Variants in MFAP3L observed in about 807,000 individuals in gnomAD.
MFAP3L encodes microfibrillar-associated protein 3-like.
In MFAP3L, 5 loss-of-function variants were observed where a neutral mutation model predicts 20.0. The observed-to-expected ratio is 0.25, with a 90% CI of 0.13 to 0.53. The LOEUF (loss-of-function observed/expected upper bound fraction) is 0.53, where lower values mean the gene tolerates loss of function less well. MFAP3L is among the 20% of genes least tolerant of loss of function. MFAP3L has a pLI of 0.96. For missense variants in MFAP3L, 409 were observed against 527.5 expected (o/e 0.78, Z 2.20); for synonymous variants, 219 against 213.0 (o/e 1.03, Z -0.25).
rs549646387 is a variant in MFAP3L at position 169,990,638 on chromosome 4, T to G, written c.*740A>C. 6.6e-6 allele frequency: 1 copy of G among 152,610 alleles called. No homozygotes were observed. Among genetic ancestry groups the G allele is most frequent in the African/African-American group, 2.4e-5 (1 of 41,438 alleles). The allele number at this position is 152,610 out of a possible 1,614,324, so 9.5% of individuals were successfully genotyped here. On this transcript the variant is annotated 3_prime_UTR_variant, in exon 3 of 3. Transcript: ENST00000361618. The stretch of plus-strand genomic sequence containing the variant: ...ACATTTTTGACTATTAAAGTGCTAT[T>G]CCGGGGCAAAGTTTTTCTCAGTTTC...
chr4:170,002,656 T>C lies in MFAP3L; in HGVS notation c.298+2924A>G, dbSNP rs187628755. 7.3e-3 allele frequency among the ~76,000 whole-genome samples: 1,111 copies of C among 151,936 alleles called. 10 individuals carry two copies. Among genetic ancestry groups the C allele is most frequent in the African/African-American group, 0.024 (992 of 41,450 alleles). On this transcript the variant is annotated intron_variant, in intron 2 of 2. Transcript: ENST00000361618. ...TCCTGAGTAGCTGGGATTACAGATA[T>C]GCACCGCCACGCCCAGCTAATTTTT... is the stretch of plus-strand genomic sequence containing the variant.
chr4:170,010,483 T>C (rs926340620), intron 1 of MFAP3L, among the ~76,000 whole-genome samples: 1 of 151,944 alleles, frequency 6.6e-6, no homozygotes, highest in Admixed American at 6.6e-5. Context: ...CTCTTCCACA[T>C]CCACCACCTA....
intron 1 of MFAP3L, among the ~76,000 whole-genome samples, chr4:170,009,891 T>G (rs2111023619): frequency 6.6e-6 from 1 of 152,314 alleles, no homozygotes; most frequent in Middle Eastern, 3.4e-3. Context: ...TAAATGAATA[T>G]TATTGTTTTT....
chr4:169,991,707 C>T lies in MFAP3L; in HGVS notation c.901G>A (p.Ala301Thr), dbSNP rs781562203. Reference sequence around the variant, plus strand: ...TGCAGCGATGAGGCGTCCGAGTCAGCGGCAGGGGAGTCGCTCCGCTTCAGA... The same window carrying T: ...TGCAGCGATGAGGCGTCCGAGTCAGTGGCAGGGGAGTCGCTCCGCTTCAGA... The part of the protein sequence containing the change: ...NSLKRSDSPA[A>T]DSDASSLHEQ... Residue 301 changes from alanine to threonine, a missense_variant, in exon 3 of 3, where the codon GCT (alanine) becomes ACT (threonine). Coordinates refer to ENST00000361618, the MANE Select transcript of MFAP3L (RefSeq NM_021647.8). This position sits in a 1 kb window ranked among gnomAD's most constrained non-coding sequence, Gnocchi z 4.9. The T allele has an allele frequency of 6.8e-6, 11 of 1,614,146 alleles. No homozygotes were observed. The highest frequency in any genetic ancestry group is 6.7e-5 in the Admixed American group (4 of 60,010).
chr4:169,991,401 T>C lies in MFAP3L; in HGVS notation c.1207A>G (p.Ile403Val). 6.2e-7 allele frequency: 1 copy of C among 1,613,994 alleles called. No homozygotes were observed. Among genetic ancestry groups the C allele is most frequent in the Non-Finnish European group, 8.5e-7 (1 of 1,179,904 alleles). ...PAVTHDKNTC[I>V]IYESHV ...TATTAGACATGGCTTTCGTAAATAA[T>C]GCAGGTGTTTTTGTCATGTGTCACT... Residue 403 changes from isoleucine to valine, a missense_variant, in exon 3 of 3, where the codon ATT (isoleucine) becomes GTT (valine). Ile to Val is a conservative substitution (Grantham distance 29). Transcript: ENST00000361618. The surrounding 1 kb of genome is among the most constrained non-coding windows in gnomAD (Gnocchi z 4.9).
chr4:170,005,021 G>A (rs1738939493), intron 2 of MFAP3L: 1 of 153,214 alleles, frequency 6.5e-6, no homozygotes, highest in African/African-American at 2.4e-5. Flanking sequence ...TAAAAACCAA[G>A]CAGTCTCCTG....
At chr4:170,011,512 T>C (rs141521777) in intron 1 of MFAP3L, among the ~76,000 whole-genome samples, 1 of 152,272 alleles carries the variant, frequency 6.6e-6, no homozygotes, top group East Asian at 1.9e-4. Context: ...AATGTGATAA[T>C]CACAGGAAAG....
rs538218497 is a variant in MFAP3L at position 170,015,881 on chromosome 4, A to G, written c.-133-9871T>C. On this transcript the variant is annotated intron_variant, in intron 1 of 2. Transcript: ENST00000361618. ...GGACCCAACCTTTCCTCTTCAGACC[A>G]AGAACTGCTGGTTGTGTAAATCCGA... Among the ~76,000 whole-genome samples, 3 of 152,274 alleles carry G rather than the reference A, an allele frequency of 2.0e-5. No individual in the cohort carries two copies. In the East Asian group the frequency reaches 5.8e-4, roughly 29 times the overall value.
chr4:170,000,076 C>A (rs768957138), intron 2 of MFAP3L, among the ~76,000 whole-genome samples: 1 of 152,132 alleles, frequency 6.6e-6, no homozygotes, highest in Non-Finnish European at 1.5e-5. Flanking sequence ...CTGAGAACCA[C>A]GGGGTTAGGC....
At position 169,989,998 on chromosome 4, in the gene MFAP3L, A is replaced by G. The variant is rs150440786; in HGVS notation, c.*1380T>C. 41 of 152,352 alleles carry G rather than the reference A, an allele frequency of 2.7e-4. No homozygotes were observed. Among genetic ancestry groups the G allele is most frequent in the African/African-American group, 9.9e-4 (41 of 41,576 alleles). The allele number at this position is 152,352 out of a possible 1,614,324, so 9.4% of individuals were successfully genotyped here. A position where few individuals can be genotyped will look rare whatever the true frequency, so the allele number is the denominator to read the frequency against. ...GCAAAAATCTTTAAAGTCATTGTGAAAAGGAGCAAGGATGTGAATATTGGT... is the reference window on the plus strand; with the variant it reads ...GCAAAAATCTTTAAAGTCATTGTGAGAAGGAGCAAGGATGTGAATATTGGT... On this transcript the variant is annotated 3_prime_UTR_variant, in exon 3 of 3. Transcript: ENST00000361618.
chr4:169,997,526 A>G (rs180733334), intron 2 of MFAP3L, among the ~76,000 whole-genome samples: 2 of 152,354 alleles, frequency 1.3e-5, no homozygotes, highest in Non-Finnish European at 2.9e-5. Flanking sequence ...TCATTGGCAA[A>G]AACAAGAAAT....
Position 169,992,809 on chromosome 4 carries a change from A to G in MFAP3L, c.299-500T>C, listed in dbSNP as rs1737826603. 1.3e-5 allele frequency among the ~76,000 whole-genome samples: 2 copies of G among 152,214 alleles called. No individual in the cohort carries two copies. Among genetic ancestry groups the G allele is most frequent in the East Asian group, 3.8e-4 (2 of 5,198 alleles). On this transcript the variant is annotated intron_variant, in intron 2 of 2. Transcript: ENST00000361618. The surrounding 1 kb of genome is among the most constrained non-coding windows in gnomAD (Gnocchi z 4.3). ...ATATGTTCACTGGGGAGGTTAATGC[A>G]ATTAAATTGTTTACCTGAGTTTCTC... is the stretch of plus-strand genomic sequence containing the variant.
At chr4:170,005,285 A>G (rs1017918170) in intron 2 of MFAP3L, 5 of 428,726 alleles carry the variant, frequency 1.2e-5, no homozygotes, top group African/African-American at 1.0e-4. Flanking sequence ...ATTATTTAGG[A>G]AAATCCATTT....
chr4:170,024,845 G>T (rs1213630157), intron 1 of MFAP3L, among the ~76,000 whole-genome samples: 1 of 152,190 alleles, frequency 6.6e-6, no homozygotes, highest in South Asian at 2.1e-4. Context: ...TTGCAAGCAA[G>T]CACCAACCTT....
intron 1 of MFAP3L, among the ~76,000 whole-genome samples, chr4:170,013,352 G>T (rs1166837997): frequency 6.6e-6 from 1 of 151,948 alleles, no homozygotes; most frequent in African/African-American, 2.4e-5. Flanking sequence ...CTTTTAAAGA[G>T]AAAAAGAACC....
At chr4:170,016,554 C>T (rs182737053) in intron 1 of MFAP3L, among the ~76,000 whole-genome samples, 34 of 152,294 alleles carry the variant, frequency 2.2e-4, no homozygotes, top group East Asian at 2.1e-3. Flanking sequence ...TTAACTACTA[C>T]GTGTTTACAT....
At chr4:170,009,382 CA>C (rs1443046929) in intron 1 of MFAP3L, among the ~76,000 whole-genome samples, 199 of 60,868 alleles carry the variant, frequency 3.3e-3, no homozygotes, top group Admixed American at 9.5e-3. Flanking sequence ...GACGCTGTCT[CA>C]AAAAAAAAAA....
chr4:170,026,436 G>T, upstream of MFAP3L: 1 of 308,074 alleles, frequency 3.2e-6, no homozygotes, highest in Non-Finnish European at 4.7e-6. Flanking sequence ...AGCCTGGGCC[G>T]GCCGGGGCCG....
intron 1 of MFAP3L, among the ~76,000 whole-genome samples, chr4:170,018,195 A>G (rs1560990139): frequency 6.6e-6 from 1 of 152,208 alleles, no homozygotes; most frequent in Admixed American, 6.5e-5. Context: ...CCAAGACCTG[A>G]AGGATGAATA....
Sources: gnomAD v4.1 joint callset for allele counts (sites outside exome capture counted in the v4.1 genomes callset) on GRCh38, gnomAD v4.1.1 for gene constraint, Gnocchi (gnomAD v3.1) non-coding constraint, MANE v1.5 for transcripts, NCBI Gene and HGNC (gene_info 2026-07-23, HGNC 2026-07-21) for gene names.